Variants in CEP112 observed in about 807,000 individuals in gnomAD.
The protein encoded by CEP112 is centrosomal protein 112.
A neutral mutation model predicts 153.0 loss-of-function variants in CEP112; 127 were observed. The observed-to-expected ratio is 0.83, with a 90% CI of 0.72 to 0.96. CEP112 has a LOEUF of 0.96. CEP112 is among the 40% of genes least tolerant of loss of function. The pLI, the probability that CEP112 is intolerant of heterozygous loss-of-function variation, is 0.00. For missense variants in CEP112, 1,089 were observed against 1,101.2 expected, an observed-to-expected ratio of 0.99 and a Z score of 0.16; for synonymous variants, 358 against 374.4, an observed-to-expected ratio of 0.96 and a Z score of 0.51.
At chr17:66,162,090 A>G (rs2071736972) in intron 4 of CEP112, among the ~76,000 whole-genome samples, 1 of 152,340 alleles carries the variant, frequency 6.6e-6, no homozygotes, top group East Asian at 1.9e-4. Context: ...TATTCAACAC[A>G]GAATTAGTAT....
intron 20 of CEP112, among the ~76,000 whole-genome samples, chr17:65,869,597 T>C (rs1032376295): frequency 7.8e-5 from 8 of 102,864 alleles, no homozygotes; most frequent in Non-Finnish European, 1.4e-4. Flanking sequence ...TTTTTTTTTT[T>C]CAGACAGAGT....
At chr17:66,013,668 G>C (rs573341956) in intron 16 of CEP112, among the ~76,000 whole-genome samples, 1 of 152,222 alleles carries the variant, frequency 6.6e-6, no homozygotes, top group Non-Finnish European at 1.5e-5. Flanking sequence ...CAGCCAAAGC[G>C]CTTCATCAGG....
rs182363496 is a variant in CEP112, at chr17:65,963,154, C to T, written c.1737-1556G>A. The stretch of plus-strand genomic sequence containing the variant: ...TGTTGTTGGCTGCTATGCCACACTG[C>T]TTTCCTGATCTTCCAGATGCCACAG... On this transcript the variant is annotated intron_variant, in intron 17 of 26. Transcript: ENST00000535342. Among the ~76,000 whole-genome samples the T allele has an allele frequency of 1.2e-3, 182 of 152,016 alleles. 3 individuals are homozygous for T. The Middle Eastern group carries it at 0.031, about 26-fold the overall frequency.
intron 20 of CEP112, among the ~76,000 whole-genome samples, chr17:65,881,145 A>G (rs1391962027): frequency 6.6e-6 from 1 of 152,136 alleles, no homozygotes; most frequent in Non-Finnish European, 1.5e-5. Context: ...TGAACCTGGG[A>G]GGCGGAGTTT....
intron 22 of CEP112, among the ~76,000 whole-genome samples, chr17:65,744,123 T>C (rs992604842): frequency 3.3e-5 from 5 of 152,172 alleles, no homozygotes; most frequent in Non-Finnish European, 7.4e-5. Context: ...CCTTACGTTG[T>C]TGAAAATGAC....
intron 20 of CEP112, among the ~76,000 whole-genome samples, chr17:65,860,598 C>T (rs939926316): frequency 2.0e-5 from 3 of 152,272 alleles, no homozygotes; most frequent in South Asian, 4.1e-4. Flanking sequence ...GAAACAGGCT[C>T]ACACTGGACA....
chr17:65,715,535 C>G (rs1384667191), intron 23 of CEP112, among the ~76,000 whole-genome samples: 1 of 151,784 alleles, frequency 6.6e-6, no homozygotes, highest in Non-Finnish European at 1.5e-5. Context: ...ACTGCAAGCT[C>G]CACCTCCTGG....
At position 66,177,016 on chromosome 17, in the gene CEP112, C is replaced by T; in HGVS notation, c.111G>A (p.Arg37=). The change falls in exon 3 of 27, where the codon CGG becomes CGA. Residue 37 remains arginine, a synonymous_variant. Coordinates refer to ENST00000535342, the MANE Select transcript of CEP112 (RefSeq NM_001199165.4). ...FVLKLPHRTE[R]QRCALWIRKL... Reference sequence around the variant, plus strand: ...TTCTAATCCAAAGAGCACACCTCTGCCGTTCTATAAATACAGAAGAACTAT... The same window carrying T: ...TTCTAATCCAAAGAGCACACCTCTGTCGTTCTATAAATACAGAAGAACTAT... 1 of 1,598,842 alleles carries T rather than the reference C, an allele frequency of 6.3e-7. No individual in the cohort carries two copies. The highest frequency in any genetic ancestry group is 1.1e-5 in the South Asian group (1 of 87,726).
intron 21 of CEP112, among the ~76,000 whole-genome samples, chr17:65,805,967 T>C (rs1207766800): frequency 4.6e-5 from 7 of 152,230 alleles, no homozygotes; most frequent in African/African-American, 1.7e-4. Context: ...ATTCAAATAA[T>C]ATTTGACACA....
intron 4 of CEP112, among the ~76,000 whole-genome samples, chr17:66,148,035 T>A (rs2070997501): frequency 6.6e-6 from 1 of 152,240 alleles, no homozygotes; most frequent in African/African-American, 2.4e-5. Context: ...TAGTCTGTTT[T>A]CACACTGCTG....
At position 66,116,473 on chromosome 17, in the gene CEP112, A is replaced by G. The variant is rs377285724; in HGVS notation, c.642+13273T>C. Reference sequence around the variant, plus strand: ...TTAAATAAGGGATCTTTGATCCTCAATATCACTTTGGGCACATCACAGAAT... The same window carrying G: ...TTAAATAAGGGATCTTTGATCCTCAGTATCACTTTGGGCACATCACAGAAT... On this transcript the variant is annotated intron_variant, in intron 6 of 26. Coordinates refer to ENST00000535342, the MANE Select transcript of CEP112 (RefSeq NM_001199165.4). Among the ~76,000 whole-genome samples the G allele has an allele frequency of 1.1e-4, 17 of 152,230 alleles. No individual in the cohort carries two copies. The East Asian group carries it at 1.9e-3, about 17-fold the overall frequency.
intron 23 of CEP112, among the ~76,000 whole-genome samples, chr17:65,704,539 G>A (rs918941516): frequency 7.9e-5 from 12 of 151,836 alleles, no homozygotes; most frequent in African/African-American, 1.5e-4. Flanking sequence ...GAGACAATCC[G>A]GAAAATGGCA....
intron 6 of CEP112, among the ~76,000 whole-genome samples, chr17:66,107,995 T>C (rs1405528977): frequency 3.9e-5 from 6 of 152,038 alleles, no homozygotes; most frequent in Non-Finnish European, 7.4e-5. Context: ...TCAATCCATA[T>C]ATTTACAGTG....
At chr17:65,901,501 T>C (rs559109076) in intron 20 of CEP112, among the ~76,000 whole-genome samples, 1 of 152,264 alleles carries the variant, frequency 6.6e-6, no homozygotes, top group Admixed American at 6.5e-5. Context: ...ATGCTGACAG[T>C]GCACATTTCA....
At chr17:66,034,834 G>A (rs2065644492) in intron 12 of CEP112, among the ~76,000 whole-genome samples, 1 of 150,508 alleles carries the variant, frequency 6.6e-6, no homozygotes, top group Non-Finnish European at 1.5e-5. Flanking sequence ...CTGAGACAGA[G>A]TCTCACTCTG....
At chr17:65,698,856 A>G (rs1278281546) in intron 23 of CEP112, among the ~76,000 whole-genome samples, 1 of 152,172 alleles carries the variant, frequency 6.6e-6, no homozygotes, top group Non-Finnish European at 1.5e-5. Context: ...GTTAACTGTT[A>G]AATCCTCACA....
At chr17:65,690,733 G>A (rs2048069149) in intron 23 of CEP112, among the ~76,000 whole-genome samples, 1 of 152,200 alleles carries the variant, frequency 6.6e-6, no homozygotes, top group Non-Finnish European at 1.5e-5. Context: ...GAGATGGTAT[G>A]TTTGTGGAAG....
intron 21 of CEP112, among the ~76,000 whole-genome samples, chr17:65,794,031 C>G (rs1201160694): frequency 6.6e-6 from 1 of 152,186 alleles, no homozygotes; most frequent in Non-Finnish European, 1.5e-5. Flanking sequence ...AAACTTCTGT[C>G]TATTCAACAT....
chr17:65,970,961 A>T (rs1568317337), intron 17 of CEP112, among the ~76,000 whole-genome samples: 1 of 151,168 alleles, frequency 6.6e-6, no homozygotes, highest in South Asian at 2.1e-4. Flanking sequence ...TACCTATTAC[A>T]TGTTGGCCAG....
Sources: gnomAD v4.1 joint callset for allele counts (sites outside exome capture counted in the v4.1 genomes callset) on GRCh38, gnomAD v4.1.1 for gene constraint, MANE v1.5 for transcripts, NCBI Gene and HGNC (gene_info 2026-07-23, HGNC 2026-07-21) for gene names.